The following CNTN1 variants were observed in gnomAD, a reference collection of about 807,000 sequenced individuals.
The protein encoded by CNTN1 is contactin-1.
CNTN1 carries 38 observed loss-of-function variants against 126.4 expected under a neutral mutation model. That is an observed-to-expected ratio of 0.30 (90% CI 0.23 to 0.39). The LOEUF is 0.39. Ranked by LOEUF, CNTN1 falls within the 10% of genes least tolerant of loss-of-function variation. The pLI is 1.00. For synonymous variants in CNTN1, 413 were observed against 422.6 expected, an observed-to-expected ratio of 0.98 and a Z score of 0.28; for missense variants, 1,009 against 1,248.4, an observed-to-expected ratio of 0.81 and a Z score of 2.89.
intron 14 of CNTN1, among the ~76,000 whole-genome samples, chr12:40,948,547 T>C (rs944332763): frequency 6.6e-6 from 1 of 152,076 alleles, no homozygotes; most frequent in Admixed American, 6.5e-5. Flanking sequence ...GTGAGGAAAG[T>C]GAGTATTAGA....
chr12:40,822,627 T>A (rs1413898920), intron 1 of CNTN1, among the ~76,000 whole-genome samples: 1 of 152,162 alleles, frequency 6.6e-6, no homozygotes, highest in African/African-American at 2.4e-5. Context: ...TGGCTTTTTG[T>A]CATATGGAAC....
In CNTN1 at chr12:40,736,651, A is replaced by G. The variant is rs572155077; in HGVS notation, c.-77+44059A>G. ...AACTAGAGACAAGTTCCTAGCCACAACCACTTGCATTGATAAAGAATGAAA... is the reference window on the plus strand; with the variant it reads ...AACTAGAGACAAGTTCCTAGCCACAGCCACTTGCATTGATAAAGAATGAAA... On this transcript the variant is annotated intron_variant, in intron 1 of 23. Coordinates refer to ENST00000551295, the MANE Select transcript of CNTN1 (RefSeq NM_001843.4). 5.9e-5 allele frequency among the ~76,000 whole-genome samples: 9 copies of G among 152,258 alleles called. No homozygotes were observed. In the East Asian group the frequency reaches 1.5e-3, roughly 26 times the overall value.
rs753960330 is a variant in CNTN1 at position 40,848,828 on chromosome 12, T to G, written c.-76-59529T>G. On this transcript the variant is annotated intron_variant, in intron 1 of 23. Transcript: ENST00000551295. ...GACACTCTAGGGCACCAGGTGTGTT[T>G]TTTTTTTTTTTTTTCCAGTAACAGT... 3.7e-3 allele frequency among the ~76,000 whole-genome samples: 486 copies of G among 131,328 alleles called. 3 individuals are homozygous for G. The highest frequency in any genetic ancestry group is 0.013 in the African/African-American group (431 of 32,876). The allele number at this position is 131,328 out of a possible 152,430, so 86.2% of individuals were successfully genotyped here. A position where few individuals can be genotyped will look rare whatever the true frequency, so the allele number is the denominator to read the frequency against.
At chr12:40,718,215 C>T (rs1388551010) in intron 1 of CNTN1, among the ~76,000 whole-genome samples, 1 of 152,178 alleles carries the variant, frequency 6.6e-6, no homozygotes, top group Non-Finnish European at 1.5e-5. Flanking sequence ...TGTCGCCAGG[C>T]TGGAGTGCAA....
chr12:40,932,987 T>G (rs1176931738), intron 7 of CNTN1, among the ~76,000 whole-genome samples: 1 of 151,780 alleles, frequency 6.6e-6, no homozygotes, highest in East Asian at 1.9e-4. Flanking sequence ...GTTTTCCTTC[T>G]TTCCCTCTCT....
At chr12:40,794,711 A>G (rs1224988283) in intron 1 of CNTN1, among the ~76,000 whole-genome samples, 2 of 152,074 alleles carry the variant, frequency 1.3e-5, no homozygotes, top group African/African-American at 4.8e-5. Context: ...ATAATTCTGA[A>G]AAAAGAGACG....
chr12:40,907,398 CTG>C (rs1343956834), intron 1 of CNTN1, among the ~76,000 whole-genome samples: 1 of 152,190 alleles, frequency 6.6e-6, no homozygotes, highest in Non-Finnish European at 1.5e-5. Context: ...AGCAAGCAAA[CTG>C]TGCCTTTCTT....
rs1205917022 is a variant in CNTN1 at position 40,993,236 on chromosome 12, A to G, written c.2080A>G (p.Ile694Val). The change falls in exon 17 of 24, where the codon ATA becomes GTA. Residue 694 changes from isoleucine (I) to valine (V), a missense_variant. Ile to Val is a conservative substitution (Grantham distance 29, BLOSUM62 3). Coordinates refer to ENST00000551295, the MANE Select transcript of CNTN1 (RefSeq NM_001843.4). ...TACACTGGGTAGAGGAGAGCCCAGT[A>G]TACCATCTAACAGAATTAAAACAGA... ...TNTLGRGEPS[I>V]PSNRIKTDGA... The G allele has an allele frequency of 1.2e-6, 2 of 1,613,738 alleles. No homozygotes were observed. The highest frequency in any genetic ancestry group is 1.7e-6 in the Non-Finnish European group (2 of 1,179,750).
In CNTN1 at chr12:40,883,056, A is replaced by C. The variant is rs138056985; in HGVS notation, c.-76-25301A>C. 8.2e-3 allele frequency among the ~76,000 whole-genome samples: 1,250 copies of C among 151,654 alleles called. 40 individuals carry two copies. Among genetic ancestry groups the C allele is most frequent in the Admixed American group, 0.071 (1,076 of 15,202 alleles). On this transcript the variant is annotated intron_variant, in intron 1 of 23. Transcript: ENST00000551295. ...TGTCTTGCACAATATATATGCTTTTAATTAGGCCATGTGTTACAATCACCT... is the reference window on the plus strand; with the variant it reads ...TGTCTTGCACAATATATATGCTTTTCATTAGGCCATGTGTTACAATCACCT...
intron 15 of CNTN1, chr12:40,972,132 G>A (rs951233198): frequency 2.0e-6 from 2 of 985,338 alleles, no homozygotes; most frequent in Non-Finnish European, 2.4e-6. Context: ...ATAGCATGTG[G>A]GGGAAACCCT....
At chr12:40,885,074 C>T (rs1183617035) in intron 1 of CNTN1, among the ~76,000 whole-genome samples, 4 of 151,608 alleles carry the variant, frequency 2.6e-5, no homozygotes, top group Middle Eastern at 3.2e-3. Flanking sequence ...TTTATTGAGT[C>T]GTATTTCATA....
rs576952027 is a variant in CNTN1, at chr12:40,906,266, G to A, written c.-76-2091G>A. On this transcript the variant is annotated intron_variant, in intron 1 of 23. Coordinates refer to ENST00000551295, the MANE Select transcript of CNTN1 (RefSeq NM_001843.4). ...AGACTGGGCGACAGAGAGAGACTAC[G>A]TCTCAAAAGAAAAAAAAATTGCTTT... 4.5e-4 allele frequency among the ~76,000 whole-genome samples: 69 copies of A among 152,024 alleles called. 1 individual carries two copies. In the Middle Eastern group the frequency reaches 0.014, roughly 30 times the overall value.
At chr12:41,040,685 G>A (rs553103406) in intron 23 of CNTN1, among the ~76,000 whole-genome samples, 1 of 152,154 alleles carries the variant, frequency 6.6e-6, no homozygotes, top group African/African-American at 2.4e-5. Context: ...AATTGTGAAT[G>A]GGAGTTCACT....
At chr12:40,793,055 A>G (rs1467848138) in intron 1 of CNTN1, among the ~76,000 whole-genome samples, 1 of 151,996 alleles carries the variant, frequency 6.6e-6, no homozygotes, top group Non-Finnish European at 1.5e-5. Flanking sequence ...TAACTCACAG[A>G]AAAAAAGAGA....
intron 14 of CNTN1, among the ~76,000 whole-genome samples, chr12:40,946,024 T>C (rs1946423348): frequency 6.6e-6 from 1 of 152,152 alleles, no homozygotes; most frequent in Non-Finnish European, 1.5e-5. Flanking sequence ...ATGCACATGT[T>C]TAGCATGTCA....
intron 23 of CNTN1, among the ~76,000 whole-genome samples, chr12:41,056,156 G>A (rs11179638): frequency 6.6e-6 from 1 of 151,950 alleles, no homozygotes. Flanking sequence ...AAACAAAGTA[G>A]GTTAGAAAAT....
At chr12:40,992,603 C>T (rs549689702) in intron 16 of CNTN1, among the ~76,000 whole-genome samples, 85 of 152,064 alleles carry the variant, frequency 5.6e-4, no homozygotes, top group South Asian at 2.9e-3. Context: ...ATTATTATGA[C>T]ATTTATTATC....
chr12:40,863,780 T>A (rs1592173998), intron 1 of CNTN1, among the ~76,000 whole-genome samples: 1 of 152,134 alleles, frequency 6.6e-6, no homozygotes, highest in Admixed American at 6.6e-5. Context: ...AACAGTTTCA[T>A]CCTGAAATCA....
At chr12:40,892,354 C>G (rs577349202) in intron 1 of CNTN1, among the ~76,000 whole-genome samples, 2 of 151,916 alleles carry the variant, frequency 1.3e-5, no homozygotes, top group East Asian at 1.9e-4. Flanking sequence ...TTGTTTGTTT[C>G]GTAAAATAAT....
Sources: allele counts gnomAD v4.1 joint callset (sites outside exome capture counted in the v4.1 genomes callset), GRCh38; gene constraint gnomAD v4.1.1; transcripts MANE v1.5; gene names NCBI Gene and HGNC (gene_info 2026-07-23, HGNC 2026-07-21).